The following SPEF2 variants were observed in gnomAD, a reference collection of about 807,000 sequenced individuals.
SPEF2 encodes sperm flagella and cilia-associated protein 2.
Under a neutral mutation model 224.6 loss-of-function variants are expected in SPEF2, and 187 were observed. That is an observed-to-expected ratio of 0.83 (90% CI 0.74 to 0.94). SPEF2 has a LOEUF of 0.94. Among genes scored for constraint, SPEF2 ranks in the 40% least tolerant of loss-of-function variants. The probability of loss-of-function intolerance (pLI) is 0.00; values close to 1 mark genes in which losing one functional copy is unlikely to be tolerated. For missense variants in SPEF2, 2,170 were observed against 2,135.6 expected, an observed-to-expected ratio of 1.02 and a Z score of -0.32; for synonymous variants, 715 against 707.3, an observed-to-expected ratio of 1.01 and a Z score of -0.17.
rs116799311 is a variant in SPEF2 at position 35,696,505 on chromosome 5, A to T, written c.2037+709A>T. Among the ~76,000 whole-genome samples the T allele has an allele frequency of 9.0e-3, 1,369 of 152,326 alleles. 17 individuals are homozygous for T. The highest frequency in any genetic ancestry group is 0.032 in the African/African-American group (1,332 of 41,570). ...TGAATTTGAAATATGAATTAGCAGA[A>T]AGTATGTTTTATATTTACATCTATT... On this transcript the variant is annotated intron_variant, in intron 14 of 36. Coordinates refer to ENST00000356031, the MANE Select transcript of SPEF2 (RefSeq NM_024867.4).
At chr5:35,631,228 T>C (rs1053746041) in intron 2 of SPEF2, among the ~76,000 whole-genome samples, 4 of 152,140 alleles carry the variant, frequency 2.6e-5, no homozygotes, top group South Asian at 2.1e-4. Context: ...CATCAGACCT[T>C]GTGAGACCCA....
intron 1 of SPEF2, among the ~76,000 whole-genome samples, chr5:35,624,455 T>C (rs920206712): frequency 2.0e-5 from 3 of 152,190 alleles, no homozygotes; most frequent in African/African-American, 7.2e-5. Flanking sequence ...TGCAAATTAG[T>C]TTATAGAGGT....
chr5:35,753,792 A>G (rs1327576122), intron 24 of SPEF2, 31 bp downstream of exon 24: 2 of 1,612,842 alleles, frequency 1.2e-6, no homozygotes, highest in African/African-American at 1.3e-5. Context: ...TAACCCAGGC[A>G]CTTCCCTTCA....
intron 19 of SPEF2, among the ~76,000 whole-genome samples, chr5:35,711,492 T>C (rs1482123005): frequency 3.3e-5 from 5 of 152,182 alleles, no homozygotes; most frequent in Admixed American, 2.6e-4. Context: ...GTATCAATTG[T>C]CACTATTTAA....
chr5:35,794,539 T>G (rs1180851540), intron 32 of SPEF2, among the ~76,000 whole-genome samples: 1 of 152,192 alleles, frequency 6.6e-6, no homozygotes, highest in Non-Finnish European at 1.5e-5. Flanking sequence ...TCCAAGTAGA[T>G]TTACAATTTG....
chr5:35,809,381 T>A (rs574153326), intron 36 of SPEF2, among the ~76,000 whole-genome samples: 2 of 152,258 alleles, frequency 1.3e-5, no homozygotes, highest in South Asian at 4.2e-4. Flanking sequence ...TTATAGGAAT[T>A]CAATACTTGA....
At chr5:35,695,593 T>G in intron 13 of SPEF2, 142 bp from the exon 14 acceptor site, 1 of 582,428 alleles carries the variant, frequency 1.7e-6, no homozygotes, top group Non-Finnish European at 3.0e-6. Context: ...CTGTGGTGAT[T>G]CTATTACTTC....
At chr5:35,807,826 A>G (rs1758264351) in intron 36 of SPEF2, 1 of 1,528,446 alleles carries the variant, frequency 6.5e-7, no homozygotes. Context: ...TGGACCACAC[A>G]TGCTAAATGT....
chr5:35,765,019 G>T (rs1044233821), intron 26 of SPEF2, among the ~76,000 whole-genome samples: 1 of 152,118 alleles, frequency 6.6e-6, no homozygotes, highest in African/African-American at 2.4e-5. Context: ...TAGAATAAGG[G>T]CTGCACCTAC....
chr5:35,655,982 G>T (rs1748901667), intron 7 of SPEF2, among the ~76,000 whole-genome samples: 1 of 152,220 alleles, frequency 6.6e-6, no homozygotes. Context: ...ATGTAGTGTA[G>T]TGGCAATAGG....
intron 26 of SPEF2, among the ~76,000 whole-genome samples, chr5:35,769,493 A>G (rs1267783228): frequency 2.6e-5 from 4 of 152,196 alleles, no homozygotes; most frequent in African/African-American, 7.2e-5. Context: ...GATTCTATTG[A>G]TATTGAAGAA....
chr5:35,751,509 T>G (rs1749653997), intron 23 of SPEF2, among the ~76,000 whole-genome samples: 1 of 151,968 alleles, frequency 6.6e-6, no homozygotes, highest in Non-Finnish European at 1.5e-5. Flanking sequence ...TATAAATATT[T>G]GATAAGCACA....
In SPEF2 at chr5:35,648,962, C is replaced by T. The variant is rs537340731; in HGVS notation, c.727-399C>T. On this transcript the variant is annotated intron_variant, in intron 5 of 36. Transcript: ENST00000356031. The stretch of plus-strand genomic sequence containing the variant: ...CCGGGAGGTGGAGGATGCCTTGAGC[C>T]GAGATCGCGCCACTGCATTCCAGCC... Among the ~76,000 whole-genome samples, 6 of 149,918 alleles carry T rather than the reference C, an allele frequency of 4.0e-5. No homozygotes were observed. The East Asian group carries it at 1.2e-3, about 30-fold the overall frequency.
chr5:35,763,728 G>C (rs771345608), intron 26 of SPEF2, 26 bp downstream of exon 26: 1 of 1,580,876 alleles, frequency 6.3e-7, no homozygotes, highest in Non-Finnish European at 8.6e-7. Context: ...TATATTTTCT[G>C]TTAGTAATAC....
intron 21 of SPEF2, 34 bp from the exon 22 acceptor site, chr5:35,739,885 G>T: frequency 6.2e-7 from 1 of 1,606,096 alleles, no homozygotes; most frequent in South Asian, 1.1e-5. Context: ...CTTTCATTTT[G>T]AAGTAACAGT....
intron 33 of SPEF2, among the ~76,000 whole-genome samples, chr5:35,797,716 C>G (rs1391176342): frequency 1.3e-5 from 2 of 152,068 alleles, no homozygotes; most frequent in African/African-American, 4.8e-5. Flanking sequence ...GAAAGGTGGG[C>G]AAAGATAAAA....
chr5:35,697,276 C>A (rs1755468543), intron 14 of SPEF2, among the ~76,000 whole-genome samples: 1 of 152,242 alleles, frequency 6.6e-6, no homozygotes, highest in South Asian at 2.1e-4. Flanking sequence ...AAGCAGCAAA[C>A]AACAGGCAGA....
chr5:35,620,950 G>A (rs1743419497), intron 1 of SPEF2, among the ~76,000 whole-genome samples: 1 of 152,176 alleles, frequency 6.6e-6, no homozygotes, highest in Non-Finnish European at 1.5e-5. Flanking sequence ...GGAAATTGTG[G>A]AAGGATATAA....
chr5:35,806,557 G>A, intron 34 of SPEF2, 150 bp from the exon 35 acceptor site: 1 of 929,530 alleles, frequency 1.1e-6, no homozygotes, highest in Non-Finnish European at 1.6e-6. Flanking sequence ...AAGGCAGCTA[G>A]TGTATTCTCC....
Sources: allele counts gnomAD v4.1 joint callset (sites outside exome capture counted in the v4.1 genomes callset), GRCh38; gene constraint gnomAD v4.1.1; transcripts MANE v1.5; gene names NCBI Gene and HGNC (gene_info 2026-07-23, HGNC 2026-07-21).